Variants in RC3H1 observed in about 807,000 individuals in gnomAD.
RC3H1 encodes the protein ring finger and CCCH-type domains 1.
A neutral mutation model predicts 138.2 loss-of-function variants in RC3H1; 50 were observed. The observed-to-expected ratio is 0.36, with a 90% CI of 0.29 to 0.46. The LOEUF (loss-of-function observed/expected upper bound fraction) is 0.46. Ranked by LOEUF, RC3H1 falls within the 20% of genes least tolerant of loss-of-function variation. The probability of loss-of-function intolerance (pLI) is 1.00; values close to 1 mark genes in which losing one functional copy is unlikely to be tolerated. For synonymous variants in RC3H1, 462 were observed against 489.1 expected (o/e 0.94, Z 0.73); for missense variants, 1,031 against 1,388.1 (o/e 0.74, Z 4.09).
At chr1:173,978,726 T>C (rs1660681566) in intron 6 of RC3H1, 106 bp from the exon 7 acceptor site, 1 of 1,163,038 alleles carries the variant, frequency 8.6e-7, no homozygotes. Context: ...TTAATTTTTA[T>C]CTTCCCATAT....
chr1:173,941,116 G>T, intron 19 of RC3H1, 149 bp downstream of exon 19: 1 of 605,088 alleles, frequency 1.7e-6, no homozygotes, highest in Non-Finnish European at 2.8e-6. Flanking sequence ...ACTGCGCCCG[G>T]CCGCAAAAAT....
At chr1:173,986,236 A>T (rs564201852) in intron 2 of RC3H1, among the ~76,000 whole-genome samples, 1 of 152,218 alleles carries the variant, frequency 6.6e-6, no homozygotes, top group East Asian at 1.9e-4. Context: ...TACATTTGTT[A>T]AAATTAATGA....
At chr1:173,949,016 C>T (rs1344590760) in intron 14 of RC3H1, among the ~76,000 whole-genome samples, 1 of 151,448 alleles carries the variant, frequency 6.6e-6, no homozygotes, top group Non-Finnish European at 1.5e-5. Context: ...AATTTCCCCT[C>T]ATTTCGTTCC....
chr1:173,965,999 G>A (rs568654153), intron 9 of RC3H1, among the ~76,000 whole-genome samples: 6 of 152,162 alleles, frequency 3.9e-5, no homozygotes, highest in East Asian at 1.9e-4. Flanking sequence ...AAACTTAACC[G>A]GGTGTGGTGG....
At chr1:173,968,812 C>T (rs1006140131) in intron 9 of RC3H1, among the ~76,000 whole-genome samples, 6 of 151,084 alleles carry the variant, frequency 4.0e-5, no homozygotes, top group Admixed American at 6.6e-5. Flanking sequence ...AATTTATTAC[C>T]ATGCTGAGAA....
chr1:174,010,866 G>A (rs900470726), intron 1 of RC3H1, among the ~76,000 whole-genome samples: 3 of 152,166 alleles, frequency 2.0e-5, no homozygotes, highest in Non-Finnish European at 4.4e-5. Context: ...TAAGCATATA[G>A]TATGTTCACT....
intron 1 of RC3H1, among the ~76,000 whole-genome samples, chr1:174,006,576 A>C (rs1661656369): frequency 6.6e-6 from 1 of 152,194 alleles, no homozygotes; most frequent in African/African-American, 2.4e-5. Flanking sequence ...AACTTTGAGC[A>C]CTTGTAACTT....
intron 13 of RC3H1, among the ~76,000 whole-genome samples, chr1:173,955,558 A>T (rs1659604916): frequency 6.6e-6 from 1 of 151,796 alleles, no homozygotes; most frequent in Non-Finnish European, 1.5e-5. Context: ...TGACCTCATG[A>T]TCTGCCCACT....
chr1:173,939,754 A>G (rs1658759754), intron 19 of RC3H1, among the ~76,000 whole-genome samples: 3 of 149,978 alleles, frequency 2.0e-5, no homozygotes, highest in Admixed American at 2.0e-4. Context: ...AGAATCACTT[A>G]AATCCAGGAG....
chr1:173,977,848 G>A (rs1660651937), intron 7 of RC3H1, among the ~76,000 whole-genome samples: 1 of 152,110 alleles, frequency 6.6e-6, no homozygotes, highest in Admixed American at 6.5e-5. Flanking sequence ...CAACATTATC[G>A]AAATGCTGAA....
At chr1:174,000,086 A>G (rs892331965) in intron 1 of RC3H1, among the ~76,000 whole-genome samples, 4 of 152,220 alleles carry the variant, frequency 2.6e-5, no homozygotes, top group Non-Finnish European at 5.9e-5. Flanking sequence ...ATTTACTAAA[A>G]ATCATTTGTG....
chr1:173,947,489 G>C lies in RC3H1; in HGVS notation c.2617C>G (p.Arg873Gly). Residue 873 changes from arginine to glycine, a missense_variant, in exon 15 of 20, where the codon CGA becomes GGA. Coordinates refer to ENST00000367696, the MANE Select transcript of RC3H1 (RefSeq NM_172071.4). Reference sequence around the variant, plus strand: ...GCACCAAACCGAGACACTGTTGGTCGGTCTCCAAATGGGATGAGGTCATCA... The same window carrying C: ...GCACCAAACCGAGACACTGTTGGTCCGTCTCCAAATGGGATGAGGTCATCA... Reference protein sequence around the residue: ...SDDDLIPFGDRPTVSRFGAIS... With the variant: ...SDDDLIPFGDGPTVSRFGAIS... The C allele has an allele frequency of 6.2e-7, 1 of 1,613,814 alleles. No individual in the cohort carries two copies. Among genetic ancestry groups the C allele is most frequent in the Non-Finnish European group, 8.5e-7 (1 of 1,179,914 alleles).
intron 13 of RC3H1, among the ~76,000 whole-genome samples, chr1:173,959,792 C>G (rs983206891): frequency 6.0e-5 from 9 of 150,274 alleles, no homozygotes; most frequent in African/African-American, 2.2e-4. Flanking sequence ...GCTGTCACTT[C>G]TCATCATATT....
intron 14 of RC3H1, among the ~76,000 whole-genome samples, chr1:173,950,360 G>A (rs1659336899): frequency 6.8e-6 from 1 of 146,006 alleles, no homozygotes; most frequent in Non-Finnish European, 1.5e-5. Context: ...AATCGCTTGA[G>A]CCCAGGAGTT....
intron 1 of RC3H1, among the ~76,000 whole-genome samples, chr1:174,007,750 G>A (rs758934357): frequency 1.6e-4 from 25 of 152,146 alleles, no homozygotes; most frequent in Admixed American, 1.4e-3. Context: ...GAGCCACCGC[G>A]TCCGGCCCAC....
At position 173,984,507 on chromosome 1, in the gene RC3H1, C is replaced by T. The variant is rs747202212; in HGVS notation, c.344G>A (p.Ser115Asn). Residue 115 changes from serine (S) to asparagine (N), a missense_variant, in exon 3 of 20, where the codon AGT becomes AAT. Transcript: ENST00000367696. Reference protein sequence around the residue: ...ELALYLKPLSSARGVGLNSTT... With the variant: ...ELALYLKPLSNARGVGLNSTT... Reference sequence around the variant, plus strand: ...AACAAAAACAAACTTACCTCTAGCACTGCTGAGCGGTTTTAAGTACAATGC... The same window carrying T: ...AACAAAAACAAACTTACCTCTAGCATTGCTGAGCGGTTTTAAGTACAATGC... The T allele has an allele frequency of 1.2e-6, 2 of 1,613,088 alleles. No individual in the cohort carries two copies. The highest frequency in any genetic ancestry group is 1.1e-5 in the South Asian group (1 of 90,824).
intron 1 of RC3H1, among the ~76,000 whole-genome samples, chr1:173,995,057 T>A (rs959642354): frequency 7.2e-5 from 11 of 152,144 alleles, no homozygotes; most frequent in African/African-American, 2.7e-4. Context: ...GATACAAGCA[T>A]ATATAACAGA....
Position 173,961,901 on chromosome 1 carries a change from A to G in RC3H1, c.2026T>C (p.Tyr676His). ...TCTCTTGTGTAAGACGGAGCAGGGT[A>G]CACTCGACGGCCATCATAGTGAGAT... Reference protein sequence around the residue: ...YPSHYDGRRVYPAPSYTREEI... With the variant: ...YPSHYDGRRVHPAPSYTREEI... Residue 676 changes from tyrosine to histidine, a missense_variant, in exon 12 of 20, where the codon TAC becomes CAC. Physicochemically the swap from Tyr to His is moderately conservative, Grantham distance 83. Around this residue, in one of 7 missense-constraint regions of RC3H1, gnomAD observed 716 missense variants for 837.9 expected, o/e 0.85. Transcript: ENST00000367696. 1.2e-6 allele frequency: 2 copies of G among 1,614,104 alleles called. No individual in the cohort carries two copies. Among genetic ancestry groups the G allele is most frequent in the Non-Finnish European group, 1.7e-6 (2 of 1,180,022 alleles).
chr1:173,934,723 AT>A lies in RC3H1; in HGVS notation c.*3997del, dbSNP rs1658511422. ...CAGAAGTTATTGGCTAAGCGAATTC[AT>A]TTGAATGCTCTGTTTTGAGGCAGCA... On this transcript the variant is annotated 3_prime_UTR_variant, in exon 20 of 20. Coordinates refer to ENST00000367696, the MANE Select transcript of RC3H1 (RefSeq NM_172071.4). 1 of 152,200 alleles carries A rather than the reference AT, an allele frequency of 6.6e-6. No individual in the cohort carries two copies. The highest frequency in any genetic ancestry group is 1.5e-5 in the Non-Finnish European group (1 of 68,022). The allele number at this position is 152,200 out of a possible 1,614,324, so 9.4% of individuals were successfully genotyped here. A position where few individuals can be genotyped will look rare whatever the true frequency, so the allele number is the denominator to read the frequency against.
Sources: gnomAD v4.1 joint callset for allele counts (sites outside exome capture counted in the v4.1 genomes callset) on GRCh38, gnomAD v4.1.1 for gene constraint, gnomAD v4.1.1 regional missense constraint, MANE v1.5 for transcripts, NCBI Gene and HGNC (gene_info 2026-07-23, HGNC 2026-07-21) for gene names.